SLC25A37: variants seen among roughly 807,000 people sequenced by gnomAD.
The protein encoded by SLC25A37 is solute carrier family 25 member 37, also known as mitoferrin-1.
Under a neutral mutation model 31.0 loss-of-function variants are expected in SLC25A37, and 17 were observed. That is an observed-to-expected ratio of 0.55 (90% CI 0.38 to 0.82). SLC25A37 has a LOEUF of 0.82. Ranked by LOEUF, SLC25A37 falls within the 40% of genes least tolerant of loss-of-function variation. The pLI is 0.00. For missense variants in SLC25A37, 404 were observed against 465.8 expected (o/e 0.87, Z 1.22); for synonymous variants, 222 against 193.0 (o/e 1.15, Z -1.24).
At chr8:23,562,135 C>A (rs1182971262) in intron 1 of SLC25A37, among the ~76,000 whole-genome samples, 3 of 151,624 alleles carry the variant, frequency 2.0e-5, no homozygotes, top group Non-Finnish European at 4.4e-5. Context: ...CCTCAGGGCT[C>A]CAGCCAGGGC....
chr8:23,532,167 T>G (rs376003139), intron 1 of SLC25A37, among the ~76,000 whole-genome samples: 2 of 152,232 alleles, frequency 1.3e-5, no homozygotes, highest in African/African-American at 4.8e-5. Context: ...TTGGCAACTT[T>G]CCTGCTGCTT....
rs149863161 is a variant in SLC25A37 at position 23,569,402 on chromosome 8, T to TATACACACACAC, written c.496+1025_496+1026insTACACACACACA. 3.3e-5 allele frequency among the ~76,000 whole-genome samples: 5 copies of TATACACACACAC among 150,252 alleles called. No individual in the cohort carries two copies. In the East Asian group the frequency reaches 9.9e-4, roughly 30 times the overall value. Reference sequence around the variant, plus strand: ...CACTATTCTAAAACCTATGTGTGCATACACACACACACACACACACACACA... The same window carrying TATACACACACAC: ...CACTATTCTAAAACCTATGTGTGCATATACACACACACACACACACACACACACACACACACA... On this transcript the variant is annotated intron_variant, in intron 3 of 3. Transcript: ENST00000519973.
At chr8:23,543,450 C>A (rs28884777) in intron 1 of SLC25A37, among the ~76,000 whole-genome samples, 1 of 151,960 alleles carries the variant, frequency 6.6e-6, no homozygotes, top group Non-Finnish European at 1.5e-5. Flanking sequence ...TTAAAGTCTA[C>A]GGTAGTGCAC....
chr8:23,572,898 G>C lies in SLC25A37; in HGVS notation c.*1043G>C, dbSNP rs1056024075. 1 of 152,246 alleles carries C rather than the reference G, an allele frequency of 6.6e-6. No homozygotes were observed. Among genetic ancestry groups the C allele is most frequent in the Non-Finnish European group, 1.5e-5 (1 of 68,064 alleles). 9.4% of individuals were successfully genotyped at this position (152,246 alleles called of 1,614,324 possible). The stretch of plus-strand genomic sequence containing the variant: ...GGTCAGCACTTAGAAGCCCTTGATA[G>C]GCAGCATTTGGCGACTTGTGGGGCA... On this transcript the variant is annotated 3_prime_UTR_variant, in exon 4 of 4. Coordinates refer to ENST00000519973, the MANE Select transcript of SLC25A37 (RefSeq NM_016612.4).
At chr8:23,533,144 C>T (rs1387204539) in intron 1 of SLC25A37, among the ~76,000 whole-genome samples, 1 of 152,100 alleles carries the variant, frequency 6.6e-6, no homozygotes, top group Non-Finnish European at 1.5e-5. Flanking sequence ...CAGTCCTGTT[C>T]CTTGTTTCAT....
At chr8:23,568,552 G>A in intron 3 of SLC25A37, 174 bp downstream of exon 3, 3 of 687,876 alleles carry the variant, frequency 4.4e-6, no homozygotes, top group Non-Finnish European at 7.6e-6. Flanking sequence ...AAGAAAGGAC[G>A]TGAACATAAG....
chr8:23,546,527 AGGTGTATATATATATATATATATAT>A (rs1563255805), intron 1 of SLC25A37, among the ~76,000 whole-genome samples: 1 of 38,908 alleles, frequency 2.6e-5, no homozygotes, highest in African/African-American at 2.2e-4. Context: ...ATATATATAT[AGGTGTATATATATATATATATATAT>A]AGTGTATATA....
chr8:23,557,032 G>A (rs1802385892), intron 1 of SLC25A37, among the ~76,000 whole-genome samples: 1 of 152,084 alleles, frequency 6.6e-6, no homozygotes, highest in Admixed American at 6.5e-5. Flanking sequence ...TATATTTTTA[G>A]TAGAGATGGG....
chr8:23,536,280 CT>C (rs897049323), intron 1 of SLC25A37, among the ~76,000 whole-genome samples: 1 of 152,124 alleles, frequency 6.6e-6, no homozygotes, highest in African/African-American at 2.4e-5. Context: ...ACTGTTGCCC[CT>C]TTTTTTCCTC....
chr8:23,566,929 ATC>A (rs768986358), intron 2 of SLC25A37: 320 of 669,264 alleles, frequency 4.8e-4, no homozygotes, highest in Non-Finnish European at 5.7e-4. Flanking sequence ...TCTGAGTCTC[ATC>A]TCTCTGCAAG....
At chr8:23,538,881 A>C (rs1000212422) in intron 1 of SLC25A37, among the ~76,000 whole-genome samples, 3 of 152,148 alleles carry the variant, frequency 2.0e-5, no homozygotes, top group Non-Finnish European at 4.4e-5. Context: ...TCTAGAGCCT[A>C]CAGGGTAGCG....
chr8:23,553,997 A>T (rs141154752), intron 1 of SLC25A37, among the ~76,000 whole-genome samples: 1 of 152,298 alleles, frequency 6.6e-6, no homozygotes, highest in African/African-American at 2.4e-5. Flanking sequence ...GCATATTGGG[A>T]CAAAAGGGAA....
At chr8:23,558,491 G>A (rs755992443) in intron 1 of SLC25A37, among the ~76,000 whole-genome samples, 1 of 152,192 alleles carries the variant, frequency 6.6e-6, no homozygotes, top group Non-Finnish European at 1.5e-5. Flanking sequence ...GATCCCGCCA[G>A]CTCACCTGGG....
At chr8:23,559,286 G>A (rs1240684321) in intron 1 of SLC25A37, among the ~76,000 whole-genome samples, 2 of 152,192 alleles carry the variant, frequency 1.3e-5, no homozygotes, top group Non-Finnish European at 2.9e-5. Context: ...GTCTTGGGCA[G>A]GAACTGAAAC....
intron 2 of SLC25A37, 27 bp from the exon 3 acceptor site, chr8:23,568,295 G>A: frequency 6.2e-7 from 1 of 1,613,530 alleles, no homozygotes. Flanking sequence ...GATCGCAGAG[G>A]GTAATTTTCT....
chr8:23,572,739 C>G lies in SLC25A37; in HGVS notation c.*884C>G, dbSNP rs371960683. 6.6e-6 allele frequency: 1 copy of G among 152,028 alleles called. No individual in the cohort carries two copies. Among genetic ancestry groups the G allele is most frequent in the African/African-American group, 2.4e-5 (1 of 41,366 alleles). 9.4% of individuals were successfully genotyped at this position (152,028 alleles called of 1,614,324 possible). A position where few individuals can be genotyped will look rare whatever the true frequency, so the allele number is the denominator to read the frequency against. On this transcript the variant is annotated 3_prime_UTR_variant, in exon 4 of 4. Coordinates refer to ENST00000519973, the MANE Select transcript of SLC25A37 (RefSeq NM_016612.4). ...TATTTTCTCTTGCTGTGTACACACA[C>G]GCACACATGCTGGGTGGCAGGATCT... is the stretch of plus-strand genomic sequence containing the variant.
In SLC25A37 at chr8:23,570,481, T is replaced by A. The variant is rs578049242; in HGVS notation, c.497-854T>A. Among the ~76,000 whole-genome samples the A allele has an allele frequency of 9.6e-4, 146 of 152,240 alleles. 1 individual carries two copies. The highest frequency in any genetic ancestry group is 3.7e-3 in the Admixed American group (57 of 15,294). ...AATGAAAAACCTAAAAATGCCCAAA[T>A]AAACATTCGCTTACATATTATATAT... On this transcript the variant is annotated intron_variant, in intron 3 of 3. Transcript: ENST00000519973.
intron 1 of SLC25A37, among the ~76,000 whole-genome samples, chr8:23,555,351 G>A (rs1585192283): frequency 6.6e-6 from 1 of 152,252 alleles, no homozygotes; most frequent in Admixed American, 6.5e-5. Flanking sequence ...CTAGGTGGCT[G>A]TTCAAATGGC....
chr8:23,551,172 G>T (rs147712912), intron 1 of SLC25A37, among the ~76,000 whole-genome samples: 90 of 152,272 alleles, frequency 5.9e-4, no homozygotes, highest in African/African-American at 2.1e-3. Flanking sequence ...CTTTTGTCTG[G>T]GCCTCTGTGC....
Sources: allele counts gnomAD v4.1 joint callset (sites outside exome capture counted in the v4.1 genomes callset), GRCh38; gene constraint gnomAD v4.1.1; transcripts MANE v1.5; gene names NCBI Gene and HGNC (gene_info 2026-07-23, HGNC 2026-07-21).